FAM110B: variants seen among roughly 807,000 people sequenced by gnomAD.
FAM110B encodes protein FAM110B.
Under a neutral mutation model 20.4 loss-of-function variants are expected in FAM110B, and 6 were observed. The observed-to-expected ratio is 0.29, with a 90% CI of 0.16 to 0.58. The LOEUF is 0.58. Among genes scored for constraint, FAM110B ranks in the 20% least tolerant of loss-of-function variants. The pLI, the probability that FAM110B is intolerant of heterozygous loss-of-function variation, is 0.90. For missense variants in FAM110B, 434 were observed against 498.2 expected, an observed-to-expected ratio of 0.87 and a Z score of 1.23; for synonymous variants, 226 against 214.1, an observed-to-expected ratio of 1.06 and a Z score of -0.49.
rs1208770719 is a variant in FAM110B, at chr8:58,057,703, C to T, written c.-413-17832C>T. ...GCATGCTCCCAATTCTACCTCTTAC[C>T]GGTTGGTAGTCCTGAGGAGGTTAGT... is the stretch of plus-strand genomic sequence containing the variant. On this transcript the variant is annotated intron_variant, in intron 2 of 3. Coordinates refer to ENST00000519262, the MANE Select transcript of FAM110B (RefSeq NM_001377989.1). 3.9e-5 allele frequency among the ~76,000 whole-genome samples: 6 copies of T among 152,200 alleles called. No homozygotes were observed. The South Asian group carries it at 6.2e-4, about 16-fold the overall frequency.
intron 2 of FAM110B, among the ~76,000 whole-genome samples, chr8:58,048,604 T>C (rs906957403): frequency 2.6e-5 from 4 of 152,224 alleles, no homozygotes; most frequent in African/African-American, 9.7e-5. Flanking sequence ...TTTGTTATTG[T>C]TTTATATTAT....
chr8:58,034,930 T>C (rs7826402), intron 2 of FAM110B, among the ~76,000 whole-genome samples: 32,674 of 152,146 alleles, frequency 0.21, 5,342 homozygotes, highest in African/African-American at 0.46. Flanking sequence ...GAATATCTAA[T>C]AGTAGTAGGG....
chr8:58,053,681 C>T (rs148285566), intron 2 of FAM110B, among the ~76,000 whole-genome samples: 41 of 152,224 alleles, frequency 2.7e-4, no homozygotes, highest in African/African-American at 9.6e-4. Flanking sequence ...TTTTGGTGCT[C>T]CAGTAAAATA....
chr8:58,020,998 T>G (rs1476055236), intron 1 of FAM110B, among the ~76,000 whole-genome samples: 5 of 152,224 alleles, frequency 3.3e-5, no homozygotes, highest in African/African-American at 2.4e-5. Context: ...ATTTATTATT[T>G]TTTGCTAGGC....
chr8:58,112,547 G>C (rs1412586233), intron 3 of FAM110B, among the ~76,000 whole-genome samples: 1 of 152,160 alleles, frequency 6.6e-6, no homozygotes, highest in Non-Finnish European at 1.5e-5. Context: ...ACTTCACCTG[G>C]GTGATGATTT....
Position 58,141,909 on chromosome 8 carries a change from G to C in FAM110B, c.-324-3998G>C, listed in dbSNP as rs181900245. Among the ~76,000 whole-genome samples the C allele has an allele frequency of 3.4e-3, 518 of 152,242 alleles. 2 individuals carry two copies. Among genetic ancestry groups the C allele is most frequent in the African/African-American group, 0.012 (504 of 41,532 alleles). On this transcript the variant is annotated intron_variant, in intron 3 of 3. Coordinates refer to ENST00000519262, the MANE Select transcript of FAM110B (RefSeq NM_001377989.1). Reference sequence around the variant, plus strand: ...AATTGCCCGGATTACAGGAACTTTGGCTTTAGCATTTTTTTCAAATAAACT... The same window carrying C: ...AATTGCCCGGATTACAGGAACTTTGCCTTTAGCATTTTTTTCAAATAAACT...
chr8:58,101,207 A>G (rs1168292122), intron 3 of FAM110B, among the ~76,000 whole-genome samples: 1 of 152,080 alleles, frequency 6.6e-6, no homozygotes, highest in African/African-American at 2.4e-5. Context: ...TACTATTCCA[A>G]GTCTATTTAC....
chr8:57,999,952 A>C (rs1804259457), intron 1 of FAM110B, among the ~76,000 whole-genome samples: 1 of 152,240 alleles, frequency 6.6e-6, no homozygotes, highest in Non-Finnish European at 1.5e-5. Context: ...AAGGGTTTGA[A>C]GATAAGTCTT....
At chr8:58,021,073 T>C (rs909172505) in intron 1 of FAM110B, among the ~76,000 whole-genome samples, 2 of 152,194 alleles carry the variant, frequency 1.3e-5, no homozygotes, top group African/African-American at 4.8e-5. Context: ...ATGGAAGGCT[T>C]TTTTGTGCTT....
chr8:58,060,748 T>C (rs941530924), intron 2 of FAM110B, among the ~76,000 whole-genome samples: 10 of 152,176 alleles, frequency 6.6e-5, no homozygotes, highest in African/African-American at 2.4e-4. Context: ...CAAAAAGATC[T>C]TTCTTCTCTG....
At chr8:58,090,201 C>T (rs929577306) in intron 3 of FAM110B, among the ~76,000 whole-genome samples, 1 of 152,164 alleles carries the variant, frequency 6.6e-6, no homozygotes, top group African/African-American at 2.4e-5. Context: ...GCTGTGTTAC[C>T]CAGGCTGGAG....
chr8:58,056,937 C>T (rs1441008502), intron 2 of FAM110B, among the ~76,000 whole-genome samples: 1 of 152,104 alleles, frequency 6.6e-6, no homozygotes, highest in Non-Finnish European at 1.5e-5. Flanking sequence ...GGACGCAAGG[C>T]CGAAAATGAG....
chr8:57,996,099 C>A (rs1321107962), intron 1 of FAM110B, among the ~76,000 whole-genome samples: 1 of 152,160 alleles, frequency 6.6e-6, no homozygotes, highest in Non-Finnish European at 1.5e-5. Flanking sequence ...TTCAGGTAAG[C>A]TATTTATTAA....
At chr8:58,100,071 G>T (rs1806738750) in intron 3 of FAM110B, among the ~76,000 whole-genome samples, 1 of 152,084 alleles carries the variant, frequency 6.6e-6, no homozygotes, top group Non-Finnish European at 1.5e-5. Flanking sequence ...TAATCACTCT[G>T]CCTGTCCCTT....
At chr8:58,013,052 C>G (rs181114458) in intron 1 of FAM110B, among the ~76,000 whole-genome samples, 215 of 152,296 alleles carry the variant, frequency 1.4e-3, no homozygotes, top group African/African-American at 5.0e-3. Context: ...GTCAAATCCT[C>G]CTTCCCCCCA....
chr8:57,997,908 A>G (rs1397325431), intron 1 of FAM110B, among the ~76,000 whole-genome samples: 1 of 152,168 alleles, frequency 6.6e-6, no homozygotes, highest in Non-Finnish European at 1.5e-5. Flanking sequence ...ATACAAGTGA[A>G]GGGAAGTGAC....
At chr8:58,040,651 C>CT (rs1191326283) in intron 2 of FAM110B, among the ~76,000 whole-genome samples, 1 of 152,074 alleles carries the variant, frequency 6.6e-6, no homozygotes, top group Non-Finnish European at 1.5e-5. Context: ...ACTGCCTCAC[C>CT]TTTTTTGCTA....
chr8:58,055,596 T>A (rs1805529562), intron 2 of FAM110B, among the ~76,000 whole-genome samples: 1 of 152,218 alleles, frequency 6.6e-6, no homozygotes, highest in Non-Finnish European at 1.5e-5. Flanking sequence ...GCATTCTCAG[T>A]GCCCTTTTGA....
intron 3 of FAM110B, among the ~76,000 whole-genome samples, chr8:58,119,041 G>T (rs1807288034): frequency 1.3e-5 from 2 of 152,278 alleles, no homozygotes; most frequent in South Asian, 4.1e-4. Flanking sequence ...CAAATACTCT[G>T]AAAAGTACCT....
Sources: allele counts gnomAD v4.1 joint callset (sites outside exome capture counted in the v4.1 genomes callset), GRCh38; gene constraint gnomAD v4.1.1; transcripts MANE v1.5; gene names NCBI Gene and HGNC (gene_info 2026-07-23, HGNC 2026-07-21).